CDH12: variants seen among roughly 807,000 people sequenced by gnomAD.
CDH12 encodes cadherin-12.
A neutral mutation model predicts 74.1 loss-of-function variants in CDH12; 41 were observed. The observed-to-expected ratio is 0.55, with a 90% confidence interval of 0.43 to 0.72. CDH12 has a LOEUF of 0.72. CDH12 is among the 30% of genes least tolerant of loss of function. The pLI is 0.00. For missense variants in CDH12, 945 were observed against 977.2 expected (o/e 0.97, Z 0.44); for synonymous variants, 399 against 355.0 (o/e 1.12, Z -1.39).
At chr5:22,046,234 A>G (rs1483265515) in intron 5 of CDH12, among the ~76,000 whole-genome samples, 1 of 152,146 alleles carries the variant, frequency 6.6e-6, no homozygotes, top group African/African-American at 2.4e-5. Flanking sequence ...AACTAAACAT[A>G]TTACCAATTT....
chr5:22,776,914 C>T (rs541584637), intron 1 of CDH12, among the ~76,000 whole-genome samples: 1 of 152,218 alleles, frequency 6.6e-6, no homozygotes, highest in East Asian at 1.9e-4. Context: ...TCATATAGAA[C>T]ATGTTTGAAT....
At chr5:21,858,392 T>C (rs1368153869) in intron 6 of CDH12, among the ~76,000 whole-genome samples, 3 of 151,922 alleles carry the variant, frequency 2.0e-5, no homozygotes. Flanking sequence ...TTAACTTAAA[T>C]TTGAGTCAAT....
chr5:22,588,511 G>A (rs1176144650), intron 1 of CDH12, among the ~76,000 whole-genome samples: 1 of 152,114 alleles, frequency 6.6e-6, no homozygotes, highest in African/African-American at 2.4e-5. Context: ...GTACTGGTTT[G>A]GGATTAATTT....
chr5:22,365,677 AGAATTAACT>A (rs1421697577), intron 3 of CDH12, among the ~76,000 whole-genome samples: 1 of 152,244 alleles, frequency 6.6e-6, no homozygotes, highest in Non-Finnish European at 1.5e-5. Context: ...CTTTGCTTCC[AGAATTAACT>A]GATCTGCAAA....
chr5:22,312,108 T>C (rs552543377), intron 3 of CDH12, among the ~76,000 whole-genome samples: 5 of 152,182 alleles, frequency 3.3e-5, no homozygotes, highest in South Asian at 2.1e-4. Context: ...GAAGTAGATA[T>C]ACAAACCCTG....
At chr5:22,736,426 G>A (rs1045306303) in intron 1 of CDH12, among the ~76,000 whole-genome samples, 6 of 151,780 alleles carry the variant, frequency 4.0e-5, no homozygotes, top group African/African-American at 1.4e-4. Flanking sequence ...ATTGTATTTA[G>A]TTTTGCTGTT....
chr5:21,960,131 A>C (rs1218209369), intron 6 of CDH12, among the ~76,000 whole-genome samples: 2 of 152,222 alleles, frequency 1.3e-5, no homozygotes, highest in East Asian at 1.9e-4. Flanking sequence ...ACAGATCATC[A>C]AGGTAGAAAA....
rs77609659 is a variant in CDH12, at chr5:22,569,344, C to T, written c.-522-63980G>A. On this transcript the variant is annotated intron_variant, in intron 1 of 14. Coordinates refer to ENST00000382254, the MANE Select transcript of CDH12 (RefSeq NM_004061.5). ...ACACCACCACTCTCTTTCACTCCTG[C>T]TTTCACCATGTGACATGCTTGCTCT... 7.2e-3 allele frequency among the ~76,000 whole-genome samples: 1,091 copies of T among 152,264 alleles called. 7 individuals carry two copies. Among genetic ancestry groups the T allele is most frequent in the Non-Finnish European group, 0.012 (847 of 68,032 alleles).
chr5:22,532,193 A>G (rs906696354), intron 1 of CDH12, among the ~76,000 whole-genome samples: 3 of 151,064 alleles, frequency 2.0e-5, no homozygotes, highest in East Asian at 2.0e-4. Context: ...GCACAGTTAC[A>G]CATGGACCTT....
chr5:22,647,418 C>T (rs958268695), intron 1 of CDH12, among the ~76,000 whole-genome samples: 8 of 151,780 alleles, frequency 5.3e-5, no homozygotes, highest in Non-Finnish European at 1.0e-4. Flanking sequence ...TATGCCATAA[C>T]AAAATACAGA....
At chr5:22,554,767 ATCT>A (rs1414143592) in intron 1 of CDH12, among the ~76,000 whole-genome samples, 9 of 152,116 alleles carry the variant, frequency 5.9e-5, no homozygotes, top group Non-Finnish European at 8.8e-5. Context: ...TACAGATATT[ATCT>A]TCTTATTTTA....
At chr5:22,553,449 C>T (rs1738664453) in intron 1 of CDH12, among the ~76,000 whole-genome samples, 1 of 151,940 alleles carries the variant, frequency 6.6e-6, no homozygotes, top group Non-Finnish European at 1.5e-5. Flanking sequence ...ATGACCATCC[C>T]TAGGCTGTAG....
intron 1 of CDH12, among the ~76,000 whole-genome samples, chr5:22,604,623 A>G (rs1423509150): frequency 6.6e-6 from 1 of 152,210 alleles, no homozygotes; most frequent in Non-Finnish European, 1.5e-5. Flanking sequence ...AAAATATTGC[A>G]TCTAAAAAAA....
intron 6 of CDH12, among the ~76,000 whole-genome samples, chr5:21,879,585 C>T (rs1286957275): frequency 6.6e-6 from 1 of 152,180 alleles, no homozygotes; most frequent in Non-Finnish European, 1.5e-5. Context: ...TATCATGAGG[C>T]TTCTCTCATT....
chr5:22,822,770 T>G (rs1365728666), intron 1 of CDH12, among the ~76,000 whole-genome samples: 1 of 152,072 alleles, frequency 6.6e-6, no homozygotes, highest in Non-Finnish European at 1.5e-5. Context: ...TAGGAACACT[T>G]TTACACAGTT....
At chr5:22,268,921 A>T (rs1736257467) in intron 3 of CDH12, among the ~76,000 whole-genome samples, 1 of 152,102 alleles carries the variant, frequency 6.6e-6, no homozygotes, top group African/African-American at 2.4e-5. Flanking sequence ...AAATGCACAT[A>T]AATGTGTATT....
At chr5:22,550,767 C>T (rs528767317) in intron 1 of CDH12, among the ~76,000 whole-genome samples, 2 of 152,276 alleles carry the variant, frequency 1.3e-5, no homozygotes, top group South Asian at 2.1e-4. Context: ...TATTTGTTGT[C>T]TTTCCTTTGC....
At chr5:22,181,574 A>AT (rs1749648760) in intron 4 of CDH12, among the ~76,000 whole-genome samples, 1 of 151,944 alleles carries the variant, frequency 6.6e-6, no homozygotes, top group Non-Finnish European at 1.5e-5. Flanking sequence ...GCTTATTTAT[A>AT]TTTTTTTATT....
At chr5:22,405,394 T>C in intron 2 of CDH12, 43 bp from the exon 3 acceptor site, 1 of 433,782 alleles carries the variant, frequency 2.3e-6, no homozygotes, top group Non-Finnish European at 3.1e-6. Context: ...TATGCAAGAC[T>C]CTCTGTATTC....
Sources: allele counts gnomAD v4.1 joint callset (sites outside exome capture counted in the v4.1 genomes callset), GRCh38; gene constraint gnomAD v4.1.1; transcripts MANE v1.5; gene names NCBI Gene and HGNC (gene_info 2026-07-23, HGNC 2026-07-21).